The following ADCY2 variants were observed in gnomAD, a reference collection of about 807,000 sequenced individuals.
ADCY2 encodes the protein adenylate cyclase 2.
A neutral mutation model predicts 125.2 loss-of-function variants in ADCY2; 31 were observed. The observed-to-expected ratio is 0.25, with a 90% CI of 0.19 to 0.33. ADCY2 has a LOEUF of 0.33. Among genes scored for constraint, ADCY2 ranks in the 10% least tolerant of loss-of-function variants. The pLI is 1.00. For synonymous variants in ADCY2, 512 were observed against 548.4 expected (o/e 0.93, Z 0.93); for missense variants, 904 against 1,418.2 (o/e 0.64, Z 5.82).
chr5:7,755,933 A>T (rs1033295065), intron 15 of ADCY2, among the ~76,000 whole-genome samples: 1 of 152,244 alleles, frequency 6.6e-6, no homozygotes, highest in East Asian at 1.9e-4. Flanking sequence ...AATTTCACTG[A>T]TGTCACACCA....
chr5:7,612,978 T>G (rs1011863858), intron 3 of ADCY2, among the ~76,000 whole-genome samples: 4 of 152,012 alleles, frequency 2.6e-5, no homozygotes, highest in African/African-American at 9.7e-5. Flanking sequence ...ATTGCACCAC[T>G]GCACTCCAGT....
intron 2 of ADCY2, among the ~76,000 whole-genome samples, chr5:7,510,288 G>A (rs955006698): frequency 1.3e-5 from 2 of 152,142 alleles, no homozygotes; most frequent in Non-Finnish European, 2.9e-5. Context: ...CGTTTATTTA[G>A]CGCCAGACTT....
chr5:7,513,701 A>G (rs986027933), intron 2 of ADCY2, among the ~76,000 whole-genome samples: 2 of 152,178 alleles, frequency 1.3e-5, no homozygotes, highest in South Asian at 2.1e-4. Flanking sequence ...GTATTCTGCA[A>G]CAACAATGAG....
At chr5:7,419,508 T>G (rs943546686) in intron 2 of ADCY2, among the ~76,000 whole-genome samples, 10 of 152,158 alleles carry the variant, frequency 6.6e-5, no homozygotes, top group African/African-American at 2.4e-4. Flanking sequence ...CCACTGGGGC[T>G]CAATCACGTC....
intron 2 of ADCY2, among the ~76,000 whole-genome samples, chr5:7,489,868 C>T (rs954717150): frequency 6.6e-6 from 1 of 152,088 alleles, no homozygotes; most frequent in African/African-American, 2.4e-5. Flanking sequence ...GGTTAGCAGA[C>T]CTGAGCTGTC....
intron 4 of ADCY2, among the ~76,000 whole-genome samples, chr5:7,641,399 T>C (rs1176099662): frequency 6.6e-6 from 1 of 152,116 alleles, no homozygotes; most frequent in East Asian, 1.9e-4. Flanking sequence ...ACAAAGATGA[T>C]CGTGGTATAA....
chr5:7,688,062 GC>G (rs1740577988), intron 4 of ADCY2, among the ~76,000 whole-genome samples: 1 of 146,848 alleles, frequency 6.8e-6, no homozygotes, highest in Non-Finnish European at 1.5e-5. Context: ...CAAATAGATA[GC>G]CTAGATCCAG....
chr5:7,652,144 G>T (rs1414381510), intron 4 of ADCY2, among the ~76,000 whole-genome samples: 1 of 152,150 alleles, frequency 6.6e-6, no homozygotes, highest in Non-Finnish European at 1.5e-5. Context: ...GAGAGTTCCA[G>T]CCCTGAGCAG....
At chr5:7,466,308 A>T (rs528212088) in intron 2 of ADCY2, among the ~76,000 whole-genome samples, 1 of 152,314 alleles carries the variant, frequency 6.6e-6, no homozygotes, top group East Asian at 1.9e-4. Flanking sequence ...TTATTCATAT[A>T]GTCCCAGACT....
In ADCY2 at chr5:7,641,154, G is replaced by T. The variant is rs546861758; in HGVS notation, c.720+14838G>T. On this transcript the variant is annotated intron_variant, in intron 4 of 24. Coordinates refer to ENST00000338316, the MANE Select transcript of ADCY2 (RefSeq NM_020546.3). ...ACCCCTCTTTCAAGGATGTGGGTAG[G>T]GACCCAGACACTCTATGATACCTGC... is the stretch of plus-strand genomic sequence containing the variant. 3.9e-5 allele frequency among the ~76,000 whole-genome samples: 6 copies of T among 152,268 alleles called. No homozygotes were observed. The East Asian group carries it at 1.2e-3, about 29-fold the overall frequency.
intron 2 of ADCY2, among the ~76,000 whole-genome samples, chr5:7,430,664 C>T (rs1032195636): frequency 6.6e-6 from 1 of 151,242 alleles, no homozygotes; most frequent in African/African-American, 2.4e-5. Flanking sequence ...TCGTGATTCA[C>T]CACCTTAAGG....
chr5:7,707,115 T>C lies in ADCY2; in HGVS notation c.1268+213T>C, dbSNP rs571891009. Among the ~76,000 whole-genome samples the C allele has an allele frequency of 2.6e-5, 4 of 152,352 alleles. No homozygotes were observed. The East Asian group carries it at 7.7e-4, about 29-fold the overall frequency. On this transcript the variant is annotated intron_variant, in intron 8 of 24. Coordinates refer to ENST00000338316, the MANE Select transcript of ADCY2 (RefSeq NM_020546.3). Reference sequence around the variant, plus strand: ...ACCCCGTTGTCCATAGTTCAAAGACTGTGAATATCAGACAGTAAATTACAA... The same window carrying C: ...ACCCCGTTGTCCATAGTTCAAAGACCGTGAATATCAGACAGTAAATTACAA...
intron 1 of ADCY2, among the ~76,000 whole-genome samples, chr5:7,400,809 T>C (rs905948715): frequency 2.6e-5 from 4 of 152,250 alleles, no homozygotes; most frequent in Admixed American, 6.5e-5. Context: ...AGTAATTCTC[T>C]AAGTCGTTTT....
chr5:7,722,717 G>T (rs1741798249), intron 12 of ADCY2, among the ~76,000 whole-genome samples: 1 of 152,026 alleles, frequency 6.6e-6, no homozygotes, highest in Non-Finnish European at 1.5e-5. Flanking sequence ...CCTGAACTTT[G>T]CAAGGCCGAG....
intron 1 of ADCY2, among the ~76,000 whole-genome samples, chr5:7,405,749 C>T (rs1357906461): frequency 6.6e-6 from 1 of 152,164 alleles, no homozygotes; most frequent in East Asian, 1.9e-4. Context: ...ATTATTGGAG[C>T]CAATTTGGAT....
At chr5:7,469,180 T>TA (rs1226544443) in intron 2 of ADCY2, among the ~76,000 whole-genome samples, 1 of 152,052 alleles carries the variant, frequency 6.6e-6, no homozygotes, top group African/African-American at 2.4e-5. Context: ...AGACCAACAT[T>TA]AAAAAAATAA....
At chr5:7,579,752 T>TA (rs1736367921) in intron 3 of ADCY2, among the ~76,000 whole-genome samples, 1 of 152,112 alleles carries the variant, frequency 6.6e-6, no homozygotes, top group Admixed American at 6.6e-5. Context: ...ATGACCATGT[T>TA]AAAAAAGAGA....
At chr5:7,708,541 G>C (rs924775469) in intron 9 of ADCY2, among the ~76,000 whole-genome samples, 4 of 152,116 alleles carry the variant, frequency 2.6e-5, no homozygotes, top group African/African-American at 9.7e-5. Flanking sequence ...AAGCTTTCAG[G>C]GGTTATGTAA....
At chr5:7,492,093 C>T (rs1743184314) in intron 2 of ADCY2, among the ~76,000 whole-genome samples, 1 of 152,160 alleles carries the variant, frequency 6.6e-6, no homozygotes. Context: ...GGATCACCCT[C>T]CTGCACTGGA....
Sources: allele counts gnomAD v4.1 joint callset (sites outside exome capture counted in the v4.1 genomes callset), GRCh38; gene constraint gnomAD v4.1.1; transcripts MANE v1.5; gene names NCBI Gene and HGNC (gene_info 2026-07-23, HGNC 2026-07-21).